Variants in AKAP19 observed in about 807,000 individuals in gnomAD.
AKAP19 encodes A-kinase anchoring protein 19.
the AKAP19 span, among the ~76,000 whole-genome samples, chr2:189,958,237 A>C: frequency 6.6e-6 from 1 of 152,196 alleles, no homozygotes; most frequent in Non-Finnish European, 1.5e-5. Flanking sequence ...TTTGAAAAGC[A>C]CTTCGCAAGT....
chr2:190,105,859 C>A, the AKAP19 span, among the ~76,000 whole-genome samples: 1 of 152,154 alleles, frequency 6.6e-6, no homozygotes, highest in Non-Finnish European at 1.5e-5. Context: ...TCACACTAAA[C>A]AGAATTCCTT....
chr2:190,039,330 C>T, the AKAP19 span, among the ~76,000 whole-genome samples: 3 of 152,122 alleles, frequency 2.0e-5, no homozygotes, highest in East Asian at 1.9e-4. Flanking sequence ...CCACTGGCCT[C>T]GGCCTCCCAA....
chr2:190,130,098 G>T, the AKAP19 span, among the ~76,000 whole-genome samples: 1 of 152,084 alleles, frequency 6.6e-6, no homozygotes, highest in Admixed American at 6.6e-5. Context: ...TGAAACCAGG[G>T]CAGGCTAAGT....
At chr2:189,915,405 C>G in the AKAP19 span, among the ~76,000 whole-genome samples, 2 of 152,038 alleles carry the variant, frequency 1.3e-5, no homozygotes, top group Non-Finnish European at 2.9e-5. Flanking sequence ...TCAGGATAGT[C>G]ATTACTAACT....
the AKAP19 span, among the ~76,000 whole-genome samples, chr2:189,988,976 T>A: frequency 6.6e-6 from 1 of 152,218 alleles, no homozygotes; most frequent in South Asian, 2.1e-4. Flanking sequence ...GAGGACAACA[T>A]CCTGGCATAT....
chr2:189,954,151 C>A, the AKAP19 span, among the ~76,000 whole-genome samples: 11 of 152,248 alleles, frequency 7.2e-5, no homozygotes, highest in African/African-American at 2.6e-4. Flanking sequence ...AGAAACATTC[C>A]GCAAGTCTTT....
chr2:190,122,954 C>T, the AKAP19 span, among the ~76,000 whole-genome samples: 1 of 151,912 alleles, frequency 6.6e-6, no homozygotes, highest in Non-Finnish European at 1.5e-5. Context: ...GGACTGTAGG[C>T]ATATACCACC....
At chr2:190,192,936 A>G in the AKAP19 span, among the ~76,000 whole-genome samples, 2 of 152,076 alleles carry the variant, frequency 1.3e-5, no homozygotes, top group Non-Finnish European at 2.9e-5. Context: ...TTTTCTCTAT[A>G]CAATTTTGTC....
At chr2:190,194,396 AAAT>A in the AKAP19 span, among the ~76,000 whole-genome samples, 1 of 151,540 alleles carries the variant, frequency 6.6e-6, no homozygotes, top group Non-Finnish European at 1.5e-5. Context: ...TTTTTTAAAA[AAAT>A]AATAGACTGT....
At chr2:190,086,482 GA>G in the AKAP19 span, among the ~76,000 whole-genome samples, 25 of 152,178 alleles carry the variant, frequency 1.6e-4, no homozygotes, top group Non-Finnish European at 3.1e-4. Context: ...GGAAGATGGG[GA>G]AAGAGAAACA....
the AKAP19 span, among the ~76,000 whole-genome samples, chr2:189,923,075 TG>T: frequency 6.6e-6 from 1 of 152,056 alleles, no homozygotes; most frequent in African/African-American, 2.4e-5. Context: ...TGCTAGAACA[TG>T]GGAGGCGGAG....
the AKAP19 span, among the ~76,000 whole-genome samples, chr2:189,976,139 C>T: frequency 2.6e-5 from 4 of 152,102 alleles, no homozygotes; most frequent in Non-Finnish European, 4.4e-5. Flanking sequence ...ATGATGGTGA[C>T]GTACAGATGG....
chr2:189,902,594 T>G, the AKAP19 span, among the ~76,000 whole-genome samples: 1 of 152,052 alleles, frequency 6.6e-6, no homozygotes, highest in Non-Finnish European at 1.5e-5. Context: ...TCAACTGGTA[T>G]GTGGTATCAG....
At chr2:190,196,145 C>T in the AKAP19 span, among the ~76,000 whole-genome samples, 7 of 151,998 alleles carry the variant, frequency 4.6e-5, no homozygotes, top group Admixed American at 1.3e-4. Flanking sequence ...CCCTCCCCAA[C>T]CCCCAATGTT....
the AKAP19 span, among the ~76,000 whole-genome samples, chr2:190,159,141 T>G: frequency 1.3e-5 from 2 of 152,166 alleles, no homozygotes; most frequent in South Asian, 2.1e-4. Flanking sequence ...CCTTTCTCCC[T>G]GTAAAGGAAA....
chr2:190,144,719 G>A, the AKAP19 span, among the ~76,000 whole-genome samples: 1 of 152,212 alleles, frequency 6.6e-6, no homozygotes, highest in Non-Finnish European at 1.5e-5. Context: ...GCTCACGCCT[G>A]TAATCCCAGA....
chr2:190,184,445 TA>T, the AKAP19 span, among the ~76,000 whole-genome samples: 1 of 152,240 alleles, frequency 6.6e-6, no homozygotes, highest in Non-Finnish European at 1.5e-5. Context: ...GGATAGTTGA[TA>T]AATAGGAAAA....
the AKAP19 span, among the ~76,000 whole-genome samples, chr2:190,191,278 GACT>G: frequency 8.5e-4 from 130 of 152,192 alleles, 2 homozygotes; most frequent in East Asian, 0.021. Flanking sequence ...AAGCAGCTGG[GACT>G]ACAGGTGTGC....
the AKAP19 span, among the ~76,000 whole-genome samples, chr2:190,086,301 A>C: frequency 5.3e-5 from 8 of 152,198 alleles, no homozygotes; most frequent in African/African-American, 1.7e-4. Context: ...ACTGAGTCTT[A>C]GTTGTTAGTA....
Sources: allele counts gnomAD v4.1 joint callset (sites outside exome capture counted in the v4.1 genomes callset), GRCh38; gene constraint gnomAD v4.1.1; transcripts MANE v1.5; gene names NCBI Gene and HGNC (gene_info 2026-07-23, HGNC 2026-07-21).